Variants in VWDE observed in about 807,000 individuals in gnomAD.
VWDE encodes the protein von Willebrand factor D and EGF domains.
VWDE carries 207 observed loss-of-function variants against 178.4 expected under a neutral mutation model. The observed-to-expected ratio is 1.16, with a 90% CI of 1.04 to 1.30. VWDE has a LOEUF of 1.30. Among genes scored for constraint, VWDE ranks in the 50% most tolerant of loss-of-function variants. The pLI is 0.00. For missense variants in VWDE, 2,287 were observed against 1,901.3 expected (o/e 1.20, Z -3.77); for synonymous variants, 738 against 651.4 (o/e 1.13, Z -2.02).
At chr7:12,331,228 A>G (rs967129378) in intron 28 of VWDE, 31 bp from the exon 29 acceptor site, 26 of 1,531,832 alleles carry the variant, frequency 1.7e-5, no homozygotes, top group Non-Finnish European at 2.0e-5. Context: ...TTGTGTTTCA[A>G]TGAATAGTAT....
chr7:12,401,361 C>T (rs1181179633), intron 1 of VWDE, among the ~76,000 whole-genome samples: 1 of 152,078 alleles, frequency 6.6e-6, no homozygotes, highest in African/African-American at 2.4e-5. Context: ...ATTATTTCCA[C>T]GACCCACAGA....
intron 12 of VWDE, among the ~76,000 whole-genome samples, chr7:12,368,954 A>G (rs1388768365): frequency 2.0e-5 from 3 of 152,180 alleles, no homozygotes; most frequent in South Asian, 2.1e-4. Context: ...GGTGGAAAAG[A>G]GCAAGATGGT....
In VWDE at chr7:12,370,036, T is replaced by C; in HGVS notation, c.2270A>G (p.Glu757Gly). 1 of 1,551,524 alleles carries C rather than the reference T, an allele frequency of 6.4e-7. No homozygotes were observed. Among genetic ancestry groups the C allele is most frequent in the South Asian group, 1.2e-5 (1 of 84,060 alleles). Residue 757 changes from glutamate to glycine, a missense_variant, in exon 12 of 29, where the codon GAG (glutamate) becomes GGG (glycine). Transcript: ENST00000275358. ...CGGGAAAGCAAACAAAGGAGGAAACTCATGAAAGTTCTGCCGTTTCCATCT... is the reference window on the plus strand; with the variant it reads ...CGGGAAAGCAAACAAAGGAGGAAACCCATGAAAGTTCTGCCGTTTCCATCT... The part of the protein sequence containing the change: ...QNRWKRQNFH[E>G]FPPLFAFPSL...
rs1173597815 is a variant in VWDE at position 12,383,016 on chromosome 7, TA to T, written c.541+519del. Among the ~76,000 whole-genome samples the T allele has an allele frequency of 7.9e-3, 1,150 of 144,714 alleles. 11 individuals are homozygous for T. Among genetic ancestry groups the T allele is most frequent in the African/African-American group, 0.023 (937 of 39,946 alleles). The allele number at this position is 144,714 out of a possible 152,430, so 94.9% of individuals were successfully genotyped here. A position where few individuals can be genotyped will look rare whatever the true frequency, so the allele number is the denominator to read the frequency against. ...TTTGACATAAATACAATCGTTCCCT[TA>T]AAAAAAAAAAGGCATTGTTGTATTG... is the stretch of plus-strand genomic sequence containing the variant. On this transcript the variant is annotated intron_variant, in intron 4 of 28. Coordinates refer to ENST00000275358, the MANE Select transcript of VWDE (RefSeq NM_001135924.3).
chr7:12,365,942 G>C (rs1782835523), intron 13 of VWDE, among the ~76,000 whole-genome samples: 1 of 152,022 alleles, frequency 6.6e-6, no homozygotes, highest in South Asian at 2.1e-4. Context: ...AGGGATCGAG[G>C]GAGGGACATA....
chr7:12,375,050 T>A lies in VWDE; in HGVS notation c.1202A>T (p.Glu401Val), dbSNP rs1783443511. 1 of 1,551,200 alleles carries A rather than the reference T, an allele frequency of 6.4e-7. No individual in the cohort carries two copies. The highest frequency in any genetic ancestry group is 2.0e-5 in the Admixed American group (1 of 50,956). ...SNIVVQPIVNEDFLWNNYIPD... is the reference protein window; with the variant it reads ...SNIVVQPIVNVDFLWNNYIPD... ...AATGTAGTTGTTCCACAGGAAATCC[T>A]CATTAACTATTGGTTGCACTACAAT... is the stretch of plus-strand genomic sequence containing the variant. Residue 401 changes from glutamate (E) to valine (V), a missense_variant, in exon 8 of 29, where the codon GAG (glutamate) becomes GTG (valine). Physicochemically the swap from Glu to Val is moderately radical, Grantham distance 121. Transcript: ENST00000275358.
Position 12,403,837 on chromosome 7 carries a change from G to C in VWDE, c.-121C>G. On this transcript the variant is annotated 5_prime_UTR_variant, in exon 1 of 29. Transcript: ENST00000275358. ...GGATTTTCTCAGTCTGTTGCTGCTT[G>C]GAACAGGGAAGCTCCGCGTCCTCGT... 1.9e-6 allele frequency: 2 copies of C among 1,071,842 alleles called. No individual in the cohort carries two copies. The highest frequency in any genetic ancestry group is 1.4e-6 in the Non-Finnish European group (1 of 737,186). The allele number at this position is 1,071,842 out of a possible 1,614,324, so 66.4% of individuals were successfully genotyped here. A position where few individuals can be genotyped will look rare whatever the true frequency, so the allele number is the denominator to read the frequency against.
In VWDE at chr7:12,373,103, A is replaced by T; in HGVS notation, c.1461T>A (p.Gly487=). 6.4e-7 allele frequency: 1 copy of T among 1,551,176 alleles called. No individual in the cohort carries two copies. Among genetic ancestry groups the T allele is most frequent in the Non-Finnish European group, 8.7e-7 (1 of 1,146,778 alleles). Residue 487 remains glycine, a synonymous_variant, in exon 10 of 29, where the codon GGT becomes GGA. Coordinates refer to ENST00000275358, the MANE Select transcript of VWDE (RefSeq NM_001135924.3). ...TGCACATATCAAAAGTAACTATATCACCTCCTTCCTGGGCAACAAACCCAC... is the reference window on the plus strand; with the variant it reads ...TGCACATATCAAAAGTAACTATATCTCCTCCTTCCTGGGCAACAAACCCAC... ...CNCGFVAQEG[G]DIVTFDMCNG...
chr7:12,392,818 A>AAAC (rs1237586533), intron 2 of VWDE, among the ~76,000 whole-genome samples: 2 of 151,996 alleles, frequency 1.3e-5, no homozygotes, highest in Non-Finnish European at 2.9e-5. Context: ...CAAAAAAAAA[A>AAAC]AAAACACATC....
At chr7:12,373,491 G>A (rs552540060) in intron 9 of VWDE, among the ~76,000 whole-genome samples, 4 of 152,150 alleles carry the variant, frequency 2.6e-5, no homozygotes, top group South Asian at 4.1e-4. Context: ...GTGTATGCAC[G>A]TGACCATCTC....
chr7:12,370,934 T>C lies in VWDE; in HGVS notation c.1588-70A>G. The C allele has an allele frequency of 2.5e-6, 3 of 1,188,682 alleles. No individual in the cohort carries two copies. In the East Asian group the frequency reaches 8.2e-5, roughly 33 times the overall value. The allele number at this position is 1,188,682 out of a possible 1,614,324, so 73.6% of individuals were successfully genotyped here. A position where few individuals can be genotyped will look rare whatever the true frequency, so the allele number is the denominator to read the frequency against. On this transcript the variant is annotated intron_variant, in intron 10 of 28. Coordinates refer to ENST00000275358, the MANE Select transcript of VWDE (RefSeq NM_001135924.3). ...TATTCAACCTGGATTAAGAAAAATC[T>C]ATTATTTAAAAAATAAGAAATAGTT... is the stretch of plus-strand genomic sequence containing the variant.
At position 12,352,953 on chromosome 7, in the gene VWDE, A is replaced by C. The variant is rs536016466; in HGVS notation, c.3746-1240T>G. ...ATTCTATGACATAGCTGATTATTCT[A>C]AGATTTATATTTTCAACTTAATCCT... On this transcript the variant is annotated intron_variant, in intron 18 of 28. Coordinates refer to ENST00000275358, the MANE Select transcript of VWDE (RefSeq NM_001135924.3). 3.3e-5 allele frequency among the ~76,000 whole-genome samples: 5 copies of C among 152,244 alleles called. 1 individual carries two copies. The South Asian group carries it at 1.0e-3, about 32-fold the overall frequency.
Position 12,356,249 on chromosome 7 carries a change from G to A in VWDE, c.3607C>T (p.Leu1203=). 2 of 1,551,418 alleles carry A rather than the reference G, an allele frequency of 1.3e-6. No homozygotes were observed. Among genetic ancestry groups the A allele is most frequent in the Non-Finnish European group, 1.7e-6 (2 of 1,146,976 alleles). ...TGGAAGCCAGGCAAGCAGACACACA[G>A]GTACACTCCACTCCCTGGAGAAAAG... ...RNFSPGSGVY[L]CVCLPGFHGS... The change falls in exon 18 of 29, where the codon CTG becomes TTG. Residue 1203 remains leucine, a synonymous_variant. Coordinates refer to ENST00000275358, the MANE Select transcript of VWDE (RefSeq NM_001135924.3).
intron 7 of VWDE, among the ~76,000 whole-genome samples, chr7:12,376,891 TTCTCTCTC>T (rs772672133): frequency 5.9e-5 from 9 of 151,420 alleles, no homozygotes; most frequent in African/African-American, 2.2e-4. Context: ...ATGATTCTCT[TTCTCTCTC>T]TCTCTCTCCT....
chr7:12,332,249 T>G (rs926934554), intron 28 of VWDE, among the ~76,000 whole-genome samples: 1 of 152,058 alleles, frequency 6.6e-6, no homozygotes, highest in African/African-American at 2.4e-5. Flanking sequence ...AGTTAGAAGC[T>G]TGGGAGAGCA....
At chr7:12,366,515 T>G (rs953639178) in intron 13 of VWDE, among the ~76,000 whole-genome samples, 3 of 152,174 alleles carry the variant, frequency 2.0e-5, no homozygotes, top group African/African-American at 7.2e-5. Flanking sequence ...CTATTTTGTC[T>G]TATTACTTCA....
intron 28 of VWDE, among the ~76,000 whole-genome samples, 193 bp downstream of exon 28, chr7:12,333,272 A>G (rs1284092621): frequency 2.6e-5 from 4 of 152,154 alleles, no homozygotes. Context: ...AAATTCCTTA[A>G]ATACACATCA....
chr7:12,335,600 C>T (rs560918982), intron 27 of VWDE, among the ~76,000 whole-genome samples: 6 of 152,128 alleles, frequency 3.9e-5, no homozygotes, highest in East Asian at 3.9e-4. Context: ...GGACTACAGG[C>T]GCCTGCCACC....
chr7:12,343,214 A>G lies in VWDE; in HGVS notation c.4079-36T>C, dbSNP rs1279937808. 3 of 1,458,514 alleles carry G rather than the reference A, an allele frequency of 2.1e-6. No homozygotes were observed. The East Asian group carries it at 7.5e-5, about 37-fold the overall frequency. 90.3% of individuals were successfully genotyped at this position (1,458,514 alleles called of 1,614,324 possible). On this transcript the variant is annotated intron_variant, in intron 21 of 28. Coordinates refer to ENST00000275358, the MANE Select transcript of VWDE (RefSeq NM_001135924.3). ...AGATTATGTTATTATGTCAGTTCTT[A>G]ATTTTTAAAAAGTCAGTTTATATTT... is the stretch of plus-strand genomic sequence containing the variant.
Sources: gnomAD v4.1 joint callset for allele counts (sites outside exome capture counted in the v4.1 genomes callset) on GRCh38, gnomAD v4.1.1 for gene constraint, MANE v1.5 for transcripts, NCBI Gene and HGNC (gene_info 2026-07-23, HGNC 2026-07-21) for gene names.